USP14: variants seen among roughly 807,000 people sequenced by gnomAD.
USP14 encodes ubiquitin carboxyl-terminal hydrolase 14.
USP14 carries 38 observed loss-of-function variants against 76.5 expected under a neutral mutation model. The ratio of observed to expected loss-of-function variants is 0.50; its 90% CI spans 0.38 to 0.65. The LOEUF is 0.65. Among genes scored for constraint, USP14 ranks in the 30% least tolerant of loss-of-function variants. The pLI, the probability that USP14 is intolerant of heterozygous loss-of-function variation, is 0.00. For missense variants in USP14, 467 were observed against 586.5 expected (o/e 0.80, Z 2.10); for synonymous variants, 192 against 191.7 (o/e 1.00, Z -0.01).
At chr18:191,662 C>T (rs1910092102) in intron 5 of USP14, among the ~76,000 whole-genome samples, 1 of 152,156 alleles carries the variant, frequency 6.6e-6, no homozygotes. Flanking sequence ...CGGAATCCTA[C>T]AGGTCATGCT....
intron 13 of USP14, among the ~76,000 whole-genome samples, 166 bp downstream of exon 13, chr18:204,858 C>T (rs916790660): frequency 6.6e-6 from 1 of 151,748 alleles, no homozygotes; most frequent in African/African-American, 2.4e-5. Context: ...ACACATCCTC[C>T]ATATATCAGT....
chr18:179,513 A>C (rs1302244496), intron 4 of USP14, among the ~76,000 whole-genome samples: 1 of 151,080 alleles, frequency 6.6e-6, no homozygotes, highest in African/African-American at 2.4e-5. Context: ...ACTGGTCAAC[A>C]CGTGTCAATT....
chr18:211,275 T>C lies in USP14; in HGVS notation c.1476T>C (p.Ser492=). The C allele has an allele frequency of 6.2e-7, 1 of 1,607,054 alleles. No individual in the cohort carries two copies. Among genetic ancestry groups the C allele is most frequent in the Non-Finnish European group, 8.5e-7 (1 of 1,176,458 alleles). The change falls in exon 16 of 16, where the codon AGT becomes AGC. Residue 492 remains serine (S), a synonymous_variant. Transcript: ENST00000261601. ...GAGTTGAAATAATGGAAGAGGAAAG[T>C]GAACAGTAATCTTCATTTTAGTATT... ...PRRVEIMEEE[S]EQ
chr18:212,814 G>GTTA lies in USP14; in HGVS notation c.*1533_*1535dup, dbSNP rs1910707808. 1 of 152,120 alleles carries GTTA rather than the reference G, an allele frequency of 6.6e-6. No individual in the cohort carries two copies. The highest frequency in any genetic ancestry group is 2.4e-5 in the African/African-American group (1 of 41,432). 9.4% of individuals were successfully genotyped at this position (152,120 alleles called of 1,614,324 possible). A position where few individuals can be genotyped will look rare whatever the true frequency, so the allele number is the denominator to read the frequency against. ...CCAGCCAGTTTGGCTCTGATTTTGA[G>GTTA]TTATTTATAATAAAGTTTGGGGATT... On this transcript the variant is annotated 3_prime_UTR_variant, in exon 16 of 16. Coordinates refer to ENST00000261601, the MANE Select transcript of USP14 (RefSeq NM_005151.4).
intron 3 of USP14, among the ~76,000 whole-genome samples, chr18:177,651 A>G (rs1555763300): frequency 2.0e-5 from 3 of 147,242 alleles, no homozygotes; most frequent in Non-Finnish European, 4.5e-5. Flanking sequence ...TTTTTTTTAA[A>G]TCTCCACTTC....
chr18:176,151 T>C (rs564302114), intron 3 of USP14, among the ~76,000 whole-genome samples: 5 of 152,222 alleles, frequency 3.3e-5, no homozygotes, highest in Admixed American at 3.3e-4. Context: ...TCATTGATTG[T>C]GTCCCCCCAA....
chr18:175,839 G>C (rs1909611915), intron 3 of USP14, among the ~76,000 whole-genome samples: 1 of 152,062 alleles, frequency 6.6e-6, no homozygotes, highest in Non-Finnish European at 1.5e-5. Flanking sequence ...AAATTCTCTA[G>C]TGAAGCCTAG....
At chr18:193,884 C>T (rs1375695807) in intron 6 of USP14, among the ~76,000 whole-genome samples, 1 of 152,146 alleles carries the variant, frequency 6.6e-6, no homozygotes, top group African/African-American at 2.4e-5. Flanking sequence ...TACAAATACT[C>T]CTGACAGTCG....
At chr18:189,637 A>G (rs28458892) in intron 5 of USP14, among the ~76,000 whole-genome samples, 22,843 of 151,984 alleles carry the variant, frequency 0.15, 1,953 homozygotes, top group African/African-American at 0.21. Flanking sequence ...CGCGTGTCAC[A>G]ACGCCCAGCT....
chr18:175,024 T>G (rs939771971), intron 3 of USP14, among the ~76,000 whole-genome samples: 23 of 152,106 alleles, frequency 1.5e-4, no homozygotes, highest in Non-Finnish European at 8.8e-5. Flanking sequence ...CCTTCTGCCT[T>G]GAGCTCCCAA....
intron 1 of USP14, among the ~76,000 whole-genome samples, chr18:161,214 C>T (rs1347108899): frequency 6.6e-6 from 1 of 152,216 alleles, no homozygotes; most frequent in Non-Finnish European, 1.5e-5. Flanking sequence ...AGGCATGAGC[C>T]ACCATTCCCG....
At chr18:196,167 T>TG (rs1700764453) in intron 6 of USP14, among the ~76,000 whole-genome samples, 1 of 150,618 alleles carries the variant, frequency 6.6e-6, no homozygotes, top group Non-Finnish European at 1.5e-5. Flanking sequence ...CTAAAAAAAA[T>TG]GCAAAAATTA....
intron 1 of USP14, among the ~76,000 whole-genome samples, chr18:160,292 G>A (rs1434988936): frequency 6.6e-6 from 1 of 152,108 alleles, no homozygotes; most frequent in Non-Finnish European, 1.5e-5. Context: ...TGAAAAAAGC[G>A]AAACTGGGTC....
At chr18:164,552 C>T (rs1181831927) in intron 2 of USP14, among the ~76,000 whole-genome samples, 1 of 152,056 alleles carries the variant, frequency 6.6e-6, no homozygotes, top group African/African-American at 2.4e-5. Context: ...CTCCTGGGTT[C>T]AAGCGATTCT....
In USP14 at chr18:213,975, T is replaced by TAGATAGATAGATAGA. The variant is rs1555603829; in HGVS notation, c.*2691_*2692insAGATAGATAGATAGA. ...TTCTGTAATGGACAAGATAGATAGA[T>TAGATAGATAGATAGA]TAGATAGATAGATAGATAGATAGAT... On this transcript the variant is annotated 3_prime_UTR_variant, in exon 16 of 16. Transcript: ENST00000261601. The TAGATAGATAGATAGA allele has an allele frequency of 0.11, 16,050 of 150,096 alleles. 1,050 individuals are homozygous for TAGATAGATAGATAGA. Among genetic ancestry groups the TAGATAGATAGATAGA allele is most frequent in the South Asian group, 0.14 (684 of 4,752 alleles). 9.3% of individuals were successfully genotyped at this position (150,096 alleles called of 1,614,324 possible). A position where few individuals can be genotyped will look rare whatever the true frequency, so the allele number is the denominator to read the frequency against.
chr18:166,819 T>C lies in USP14; in HGVS notation c.195T>C (p.Asn65=), dbSNP rs563155. 0.21 allele frequency: 336,338 copies of C among 1,608,488 alleles called. 37,108 individuals are homozygous for C. The highest frequency in any genetic ancestry group is 0.23 in the Non-Finnish European group (268,429 of 1,175,918). ...ATTGGGGAAACATCAAAATAAAAAA[T>C]GTAAGTATTATCTTATGAACGTTTA... ...DDDWGNIKIK[N]GMTLLMMGSA... Residue 65 remains asparagine, a splice_region_variant and synonymous_variant, in exon 3 of 16, where the codon AAT becomes AAC. Coordinates refer to ENST00000261601, the MANE Select transcript of USP14 (RefSeq NM_005151.4).
intron 3 of USP14, among the ~76,000 whole-genome samples, chr18:171,536 A>G (rs1909464152): frequency 6.6e-6 from 1 of 152,188 alleles, no homozygotes; most frequent in African/African-American, 2.4e-5. Context: ...CTGCTCAGAA[A>G]GATTCCTTTC....
At chr18:183,876 C>G (rs1909855159) in intron 5 of USP14, among the ~76,000 whole-genome samples, 1 of 151,966 alleles carries the variant, frequency 6.6e-6, no homozygotes, top group Admixed American at 6.6e-5. Flanking sequence ...CCTTATGTCC[C>G]AGTTGCAAAT....
At chr18:197,374 C>T (rs2143068514) in intron 7 of USP14, among the ~76,000 whole-genome samples, 1 of 152,276 alleles carries the variant, frequency 6.6e-6, no homozygotes, top group Admixed American at 6.5e-5. Flanking sequence ...TTTATATATT[C>T]ACTGCTATTA....
Sources: gnomAD v4.1 joint callset for allele counts (sites outside exome capture counted in the v4.1 genomes callset) on GRCh38, gnomAD v4.1.1 for gene constraint, MANE v1.5 for transcripts, NCBI Gene and HGNC (gene_info 2026-07-23, HGNC 2026-07-21) for gene names.